Variants in ARHGAP28 observed in about 807,000 individuals in gnomAD.
ARHGAP28 encodes the protein Rho GTPase activating protein 28, also known as rho GTPase-activating protein 28.
ARHGAP28 carries 56 observed loss-of-function variants against 90.7 expected under a neutral mutation model. That is an observed-to-expected ratio of 0.62 (90% CI 0.50 to 0.77). ARHGAP28 has a LOEUF of 0.77. Among genes scored for constraint, ARHGAP28 ranks in the 30% least tolerant of loss-of-function variants. The pLI, the probability that ARHGAP28 is intolerant of heterozygous loss-of-function variation, is 0.00. For missense variants in ARHGAP28, 869 were observed against 900.9 expected, an observed-to-expected ratio of 0.96 and a Z score of 0.45; for synonymous variants, 308 against 323.3, an observed-to-expected ratio of 0.95 and a Z score of 0.51.
chr18:6,797,695 T>G (rs555382983), intron 1 of ARHGAP28, among the ~76,000 whole-genome samples: 23 of 150,656 alleles, frequency 1.5e-4, no homozygotes, highest in African/African-American at 4.9e-4. Context: ...GCAGTCTCAC[T>G]CTGTCACCCA....
At chr18:6,774,048 G>A (rs1011975294) in intron 1 of ARHGAP28, 1 of 152,280 alleles carries the variant, frequency 6.6e-6, no homozygotes. Flanking sequence ...TTTGTTTCTG[G>A]CCCTGTGCGG....
chr18:6,729,787 T>G lies in ARHGAP28; in HGVS notation c.-35T>G, dbSNP rs1238230671. On this transcript the variant is annotated 5_prime_UTR_variant, in exon 1 of 18. Coordinates refer to ENST00000383472, the MANE Select transcript of ARHGAP28 (RefSeq NM_001366230.1). ...CGGTCCATGCTGGTCCCGGTCTTTG[T>G]TCTGGGGCCGGCGCCGAGACATGCG... 1 of 1,371,406 alleles carries G rather than the reference T, an allele frequency of 7.3e-7. No homozygotes were observed. The highest frequency in any genetic ancestry group is 9.4e-7 in the Non-Finnish European group (1 of 1,065,394). 85.0% of individuals were successfully genotyped at this position (1,371,406 alleles called of 1,614,324 possible). A position where few individuals can be genotyped will look rare whatever the true frequency, so the allele number is the denominator to read the frequency against.
chr18:6,868,171 G>T lies in ARHGAP28; in HGVS notation c.748G>T (p.Val250Phe). The change falls in exon 6 of 18, where the codon GTT (valine) becomes TTT (phenylalanine). Residue 250 changes from valine (V) to phenylalanine (F), a missense_variant. Coordinates refer to ENST00000383472, the MANE Select transcript of ARHGAP28 (RefSeq NM_001366230.1). Reference sequence around the variant, plus strand: ...GCAGGCTATACTTGAGACCATTCCAGTTCTACCAGTTCATTCCAATGGATC... The same window carrying T: ...GCAGGCTATACTTGAGACCATTCCATTTCTACCAGTTCATTCCAATGGATC... ...DSVAILETIP[V>F]LPVHSNGSPE... 1 of 1,614,068 alleles carries T rather than the reference G, an allele frequency of 6.2e-7. No homozygotes were observed. Among genetic ancestry groups the T allele is most frequent in the Non-Finnish European group, 8.5e-7 (1 of 1,179,998 alleles).
At position 6,887,198 on chromosome 18, in the gene ARHGAP28, AT is replaced by A; in HGVS notation, c.1496del (p.Met499ArgfsTer17). On this transcript the variant is annotated frameshift_variant, in exon 12 of 18. Coordinates refer to ENST00000383472, the MANE Select transcript of ARHGAP28 (RefSeq NM_001366230.1). LOFTEE classifies it high-confidence loss of function. ...AGTACAGTTTCAAGCCTTACACCTC[AT>A]GGTCATGGCGCTGCCTGATGCCAAC... ...VKVQFQALHL[M>X]VMALPDANRD... 1 of 1,612,272 alleles carries A rather than the reference AT, an allele frequency of 6.2e-7. No individual in the cohort carries two copies. Among genetic ancestry groups the A allele is most frequent in the Non-Finnish European group, 8.5e-7 (1 of 1,178,334 alleles).
chr18:6,807,765 G>T (rs1176497199), intron 1 of ARHGAP28, among the ~76,000 whole-genome samples: 1 of 152,176 alleles, frequency 6.6e-6, no homozygotes, highest in Non-Finnish European at 1.5e-5. Context: ...CCTCTGAGGA[G>T]CTCCAGAGTT....
intron 7 of ARHGAP28, among the ~76,000 whole-genome samples, chr18:6,872,924 T>C (rs2057101196): frequency 6.6e-6 from 1 of 152,186 alleles, no homozygotes; most frequent in Non-Finnish European, 1.5e-5. Context: ...GGGAGATTAC[T>C]AAAAGTCTCT....
At chr18:6,868,607 G>T (rs1352700647) in intron 6 of ARHGAP28, among the ~76,000 whole-genome samples, 3 of 39,794 alleles carry the variant, frequency 7.5e-5, no homozygotes, top group Non-Finnish European at 2.6e-4. Flanking sequence ...CACCAGAGCA[G>T]CTTGCCCCCT....
At chr18:6,797,109 A>G (rs2056447132) in intron 1 of ARHGAP28, among the ~76,000 whole-genome samples, 1 of 152,196 alleles carries the variant, frequency 6.6e-6, no homozygotes, top group East Asian at 1.9e-4. Flanking sequence ...TGTTCTTGTC[A>G]TCCAGGTGTT....
intron 3 of ARHGAP28, among the ~76,000 whole-genome samples, chr18:6,840,934 A>AT (rs2056802845): frequency 6.6e-6 from 1 of 152,178 alleles, no homozygotes; most frequent in Non-Finnish European, 1.5e-5. Flanking sequence ...TATTTACAAT[A>AT]TATAAGGCCT....
intron 4 of ARHGAP28, among the ~76,000 whole-genome samples, chr18:6,856,858 A>G (rs181474000): frequency 2.6e-5 from 4 of 152,304 alleles, no homozygotes; most frequent in Admixed American, 6.5e-5. Flanking sequence ...AAGTCTAATT[A>G]TAGTATGTTC....
At chr18:6,839,593 G>C (rs149764610) in intron 3 of ARHGAP28, among the ~76,000 whole-genome samples, 182 of 152,208 alleles carry the variant, frequency 1.2e-3, no homozygotes, top group South Asian at 6.0e-3. Context: ...CACTGCGCCC[G>C]GCCATAATTT....
intron 11 of ARHGAP28, among the ~76,000 whole-genome samples, 163 bp from the exon 12 acceptor site, chr18:6,886,994 C>T (rs1208992586): frequency 6.6e-6 from 1 of 152,120 alleles, no homozygotes; most frequent in Non-Finnish European, 1.5e-5. Context: ...TGGACAGAGG[C>T]TCCTGTCCAA....
intron 4 of ARHGAP28, among the ~76,000 whole-genome samples, chr18:6,857,558 G>T (rs1285250362): frequency 6.6e-6 from 1 of 152,182 alleles, no homozygotes; most frequent in Non-Finnish European, 1.5e-5. Context: ...GTTTTAGGTT[G>T]TGCCTCCAGT....
intron 1 of ARHGAP28, among the ~76,000 whole-genome samples, chr18:6,773,564 T>C (rs2056260220): frequency 6.6e-6 from 1 of 152,186 alleles, no homozygotes; most frequent in Non-Finnish European, 1.5e-5. Flanking sequence ...TCAGAAGGGC[T>C]CAAAGCTAGT....
chr18:6,854,904 T>C (rs1194250178), intron 4 of ARHGAP28, among the ~76,000 whole-genome samples: 1 of 152,148 alleles, frequency 6.6e-6, no homozygotes, highest in Non-Finnish European at 1.5e-5. Context: ...TGGAGCAAAG[T>C]TGTGGCCCAG....
intron 16 of ARHGAP28, among the ~76,000 whole-genome samples, chr18:6,900,287 G>A (rs1320507970): frequency 9.9e-6 from 1 of 101,104 alleles, no homozygotes; most frequent in African/African-American, 3.8e-5. Context: ...ACTCATAAAA[G>A]CAAAATCACA....
At chr18:6,809,498 C>T (rs1353556626) in intron 1 of ARHGAP28, among the ~76,000 whole-genome samples, 1 of 152,086 alleles carries the variant, frequency 6.6e-6, no homozygotes, top group African/African-American at 2.4e-5. Context: ...GTTGTACAGG[C>T]TTCTGCTTCT....
intron 5 of ARHGAP28, 71 bp downstream of exon 5, chr18:6,859,968 G>C (rs2056985241): frequency 1.5e-6 from 2 of 1,317,076 alleles, no homozygotes; most frequent in Non-Finnish European, 2.2e-6. Flanking sequence ...ATGTAGGAAG[G>C]TAAGAAGAAG....
At chr18:6,910,907 C>T (rs977939486) in intron 17 of ARHGAP28, among the ~76,000 whole-genome samples, 31 of 151,454 alleles carry the variant, frequency 2.0e-4, no homozygotes, top group African/African-American at 6.1e-4. Flanking sequence ...TGCAGTGGCG[C>T]GATCTCGGCT....
Sources: allele counts gnomAD v4.1 joint callset (sites outside exome capture counted in the v4.1 genomes callset), GRCh38; gene constraint gnomAD v4.1.1; transcripts MANE v1.5; gene names NCBI Gene and HGNC (gene_info 2026-07-23, HGNC 2026-07-21).